The following YJU2B variants were observed in gnomAD, a reference collection of about 807,000 sequenced individuals.
YJU2B encodes YJU2 splicing factor homolog B.
A neutral mutation model predicts 38.0 loss-of-function variants in YJU2B; 18 were observed. That is an observed-to-expected ratio of 0.47 (90% confidence interval 0.33 to 0.70). YJU2B has a LOEUF of 0.70. YJU2B is among the 30% of genes least tolerant of loss of function. The pLI, the probability that YJU2B is intolerant of heterozygous loss-of-function variation, is 0.02. For synonymous variants in YJU2B, 246 were observed against 225.4 expected, an observed-to-expected ratio of 1.09 and a Z score of -0.82; for missense variants, 538 against 556.3, an observed-to-expected ratio of 0.97 and a Z score of 0.33.
In YJU2B at chr19:13,763,130, C is replaced by A; in HGVS notation, c.*62C>A. On this transcript the variant is annotated 3_prime_UTR_variant, in exon 10 of 10. Transcript: ENST00000221554. ...GCCCGGACACACCCAGGAGGCCCCT[C>A]ACAGACTGCAGACCCCCGGCTCGCC... 7.2e-7 allele frequency: 1 copy of A among 1,389,264 alleles called. No homozygotes were observed. The highest frequency in any genetic ancestry group is 9.7e-7 in the Non-Finnish European group (1 of 1,026,254). 86.1% of individuals were successfully genotyped at this position (1,389,264 alleles called of 1,614,324 possible). A position where few individuals can be genotyped will look rare whatever the true frequency, so the allele number is the denominator to read the frequency against.
chr19:13,736,078 C>T (rs1972937238), intron 2 of YJU2B, among the ~76,000 whole-genome samples: 1 of 151,336 alleles, frequency 6.6e-6, no homozygotes, highest in Non-Finnish European at 1.5e-5. Flanking sequence ...GCCTCTTGCT[C>T]CACGATGTGG....
At chr19:13,740,359 G>A (rs1436868347) in intron 2 of YJU2B, among the ~76,000 whole-genome samples, 2 of 151,886 alleles carry the variant, frequency 1.3e-5, no homozygotes, top group Non-Finnish European at 2.9e-5. Flanking sequence ...CTACAGGCAC[G>A]TGCCACTATG....
rs149179548 is a variant in YJU2B, at chr19:13,763,004, C to G, written c.1127C>G (p.Thr376Arg). Residue 376 changes from threonine to arginine, a missense_variant, in exon 10 of 10, where the codon ACG becomes AGG. By Grantham distance (71) the Thr-to-Arg change is moderately conservative (BLOSUM62 -1). Transcript: ENST00000221554. ...SSQEAADTPD[T>R]RHPCSLGSSL... ...CAGGAGGCAGCTGACACCCCCGACACGCGGCACCCCTGCAGTCTCGGCTCC... is the reference window on the plus strand; with the variant it reads ...CAGGAGGCAGCTGACACCCCCGACAGGCGGCACCCCTGCAGTCTCGGCTCC... 2 of 1,603,536 alleles carry G rather than the reference C, an allele frequency of 1.2e-6. No homozygotes were observed. Among genetic ancestry groups the G allele is most frequent in the Admixed American group, 1.7e-5 (1 of 58,956 alleles).
At chr19:13,757,288 GC>G (rs1256566235) in intron 4 of YJU2B, 129 bp from the exon 5 acceptor site, 1 of 666,432 alleles carries the variant, frequency 1.5e-6, no homozygotes, top group Non-Finnish European at 2.7e-6. Context: ...TGTGAGTGCA[GC>G]AACTCCCGTT....
At chr19:13,741,423 G>A (rs1973091818) in intron 2 of YJU2B, among the ~76,000 whole-genome samples, 1 of 151,940 alleles carries the variant, frequency 6.6e-6, no homozygotes, top group Non-Finnish European at 1.5e-5. Flanking sequence ...GAAGTGCTGG[G>A]ATTACAGGTG....
intron 3 of YJU2B, 106 bp downstream of exon 3, chr19:13,754,448 T>C (rs1973587910): frequency 1.1e-6 from 1 of 935,580 alleles, no homozygotes; most frequent in South Asian, 1.3e-5. Context: ...CCCAAGGTCT[T>C]TTTGTCTTCT....
At chr19:13,750,065 G>C (rs939853288) in intron 1 of YJU2B, among the ~76,000 whole-genome samples, 5 of 152,108 alleles carry the variant, frequency 3.3e-5, no homozygotes, top group South Asian at 2.1e-4. Context: ...TATCTCAGTT[G>C]TTTACCCAGT....
At chr19:13,736,759 C>T (rs4926311) in intron 2 of YJU2B, among the ~76,000 whole-genome samples, 44,936 of 151,566 alleles carry the variant, frequency 0.3, 6,953 homozygotes, top group African/African-American at 0.35. Context: ...CGGCCAGGTG[C>T]GGTAGCTCAC....
At chr19:13,748,348 A>C (rs1973328208) in intron 1 of YJU2B, among the ~76,000 whole-genome samples, 3 of 152,184 alleles carry the variant, frequency 2.0e-5, no homozygotes, top group Non-Finnish European at 2.9e-5. Context: ...TGAATGCCTT[A>C]ACCAGCCATT....
intron 2 of YJU2B, among the ~76,000 whole-genome samples, chr19:13,738,113 G>A (rs1347210675): frequency 1.3e-5 from 2 of 152,146 alleles, no homozygotes; most frequent in Admixed American, 6.6e-5. Flanking sequence ...AAAGCTCAGG[G>A]TGTCTTTTGG....
In YJU2B at chr19:13,762,863, G is replaced by A. The variant is rs367572114; in HGVS notation, c.986G>A (p.Arg329Gln). 8.7e-6 allele frequency: 14 copies of A among 1,608,568 alleles called. No individual in the cohort carries two copies. The African/African-American group carries it at 1.7e-4, about 20-fold the overall frequency. ...PRVPEEAAQDRPMSPGDCPPE... is the reference protein window; with the variant it reads ...PRVPEEAAQDQPMSPGDCPPE... ...GTACCAGAGGAGGCTGCCCAGGACC[G>A]GCCCATGTCCCCCGGAGACTGTCCT... The change falls in exon 10 of 10, where the codon CGG (arginine) becomes CAG (glutamine). Residue 329 changes from arginine to glutamine, a missense_variant. Arg to Gln is a conservative substitution (Grantham distance 43, BLOSUM62 1). Transcript: ENST00000221554.
intron 4 of YJU2B, among the ~76,000 whole-genome samples, chr19:13,756,854 G>A (rs1010212608): frequency 2.6e-5 from 4 of 151,788 alleles, no homozygotes; most frequent in Non-Finnish European, 4.4e-5. Context: ...GCTCACACCT[G>A]TAATCCCAGC....
chr19:13,759,363 C>A (rs754349616), intron 8 of YJU2B, 91 bp downstream of exon 8: 176 of 1,058,004 alleles, frequency 1.7e-4, no homozygotes, highest in Non-Finnish European at 3.4e-5. Context: ...TAGCTTTGAG[C>A]AGGCCACTGT....
At chr19:13,739,050 C>G (rs577399971) in intron 2 of YJU2B, among the ~76,000 whole-genome samples, 3 of 152,208 alleles carry the variant, frequency 2.0e-5, no homozygotes, top group African/African-American at 7.2e-5. Context: ...GGTGACAGAG[C>G]AAGACTCCAT....
At chr19:13,757,633 A>G (rs1973718047) in intron 5 of YJU2B, among the ~76,000 whole-genome samples, 153 bp from the exon 6 acceptor site, 1 of 152,104 alleles carries the variant, frequency 6.6e-6, no homozygotes, top group African/African-American at 2.4e-5. Flanking sequence ...CAGAGGGATT[A>G]GGAAGCCAGG....
chr19:13,762,995 C>G lies in YJU2B; in HGVS notation c.1118C>G (p.Thr373Ser). The G allele has an allele frequency of 1.9e-6, 3 of 1,607,150 alleles. No individual in the cohort carries two copies. The highest frequency in any genetic ancestry group is 2.5e-6 in the Non-Finnish European group (3 of 1,176,712). The change falls in exon 10 of 10, where the codon ACC becomes AGC. Residue 373 changes from threonine (T) to serine (S), a missense_variant. Thr to Ser is a moderately conservative substitution (Grantham distance 58, BLOSUM62 1). Coordinates refer to ENST00000221554, the MANE Select transcript of YJU2B (RefSeq NM_030818.4). ...GGCTCCTCCCAGGAGGCAGCTGACA[C>G]CCCCGACACGCGGCACCCCTGCAGT... ...PAGSSQEAAD[T>S]PDTRHPCSLG...
At position 13,757,350 on chromosome 19, in the gene YJU2B, C is replaced by T. The variant is rs548139377; in HGVS notation, c.141-68C>T. On this transcript the variant is annotated intron_variant, in intron 4 of 9. Coordinates refer to ENST00000221554, the MANE Select transcript of YJU2B (RefSeq NM_030818.4). ...CTCAAATCACAACCGCGGCCAGAGT[C>T]GCAGGTGTGGAGACCCAGGGAGTGT... The T allele has an allele frequency of 3.4e-4, 468 of 1,361,822 alleles. 3 individuals carry two copies. The South Asian group carries it at 4.3e-3, about 13-fold the overall frequency. 84.4% of individuals were successfully genotyped at this position (1,361,822 alleles called of 1,614,324 possible). A position where few individuals can be genotyped will look rare whatever the true frequency, so the allele number is the denominator to read the frequency against.
chr19:13,751,153 C>A (rs1973446634), intron 1 of YJU2B, among the ~76,000 whole-genome samples: 1 of 152,064 alleles, frequency 6.6e-6, no homozygotes, highest in Admixed American at 6.6e-5. Flanking sequence ...CATGGTGGCT[C>A]ACACCTGTAA....
In YJU2B at chr19:13,762,450, C is replaced by G. The variant is rs749994007; in HGVS notation, c.712+13C>G. On this transcript the variant is annotated intron_variant, in intron 9 of 9. Transcript: ENST00000221554. ...CACACCCTGGACTGTGCGTAGGAGG[C>G]CAGGGGGAAAAGGGGACAGGGAGGC... 6.2e-7 allele frequency: 1 copy of G among 1,609,900 alleles called. No individual in the cohort carries two copies. Among genetic ancestry groups the G allele is most frequent in the Non-Finnish European group, 8.5e-7 (1 of 1,179,264 alleles).
Sources: allele counts gnomAD v4.1 joint callset (sites outside exome capture counted in the v4.1 genomes callset), GRCh38; gene constraint gnomAD v4.1.1; transcripts MANE v1.5; gene names NCBI Gene and HGNC (gene_info 2026-07-23, HGNC 2026-07-21).